Variants in MSMO1 observed in about 807,000 individuals in gnomAD.
MSMO1 encodes the protein C-4 methylsterol oxidase.
Under a neutral mutation model 30.4 loss-of-function variants are expected in MSMO1, and 18 were observed. The observed-to-expected ratio is 0.59, with a 90% CI of 0.41 to 0.88. MSMO1 has a LOEUF of 0.88. Ranked by LOEUF, MSMO1 falls within the 40% of genes least tolerant of loss-of-function variation. MSMO1 has a pLI of 0.00. For synonymous variants in MSMO1, 84 were observed against 107.9 expected, an observed-to-expected ratio of 0.78 and a Z score of 1.37; for missense variants, 284 against 340.5, an observed-to-expected ratio of 0.83 and a Z score of 1.31.
rs1374808009 is a variant in MSMO1, at chr4:165,342,799, G to C, written c.*853G>C. Reference sequence around the variant, plus strand: ...AGAACTTCCATTCTAATCTAGAGCTGACCAGTTTGAGCTGATTCTCTCTTT... The same window carrying C: ...AGAACTTCCATTCTAATCTAGAGCTCACCAGTTTGAGCTGATTCTCTCTTT... On this transcript the variant is annotated 3_prime_UTR_variant, in exon 6 of 6. Transcript: ENST00000261507. 1 of 151,934 alleles carries C rather than the reference G, an allele frequency of 6.6e-6. No homozygotes were observed. The highest frequency in any genetic ancestry group is 1.9e-4 in the East Asian group (1 of 5,200). The allele number at this position is 151,934 out of a possible 1,614,324, so 9.4% of individuals were successfully genotyped here.
At chr4:165,340,085 T>TA (rs1220344643) in intron 4 of MSMO1, 136 bp from the exon 5 acceptor site, 1 of 745,446 alleles carries the variant, frequency 1.3e-6, no homozygotes, top group Non-Finnish European at 2.2e-6. Context: ...TAACAACATC[T>TA]AAAAAATACC....
chr4:165,337,519 G>A (rs930999631), intron 2 of MSMO1, among the ~76,000 whole-genome samples: 2 of 152,152 alleles, frequency 1.3e-5, no homozygotes, highest in African/African-American at 4.8e-5. Context: ...AATGATCTGT[G>A]GCAGCAAAGA....
chr4:165,331,714 T>C (rs1325260851), intron 1 of MSMO1, among the ~76,000 whole-genome samples: 1 of 152,200 alleles, frequency 6.6e-6, no homozygotes, highest in African/African-American at 2.4e-5. Flanking sequence ...TTTAAAATAC[T>C]CATTTTTAAA....
Position 165,342,565 on chromosome 4 carries a change from C to G in MSMO1, c.*619C>G, listed in dbSNP as rs1747745796. 1 of 152,394 alleles carries G rather than the reference C, an allele frequency of 6.6e-6. No individual in the cohort carries two copies. The highest frequency in any genetic ancestry group is 1.5e-5 in the Non-Finnish European group (1 of 68,238). 9.4% of individuals were successfully genotyped at this position (152,394 alleles called of 1,614,324 possible). A position where few individuals can be genotyped will look rare whatever the true frequency, so the allele number is the denominator to read the frequency against. On this transcript the variant is annotated 3_prime_UTR_variant, in exon 6 of 6. Coordinates refer to ENST00000261507, the MANE Select transcript of MSMO1 (RefSeq NM_006745.5). ...AGAGATGGGGTTTCACGATGTTGGC[C>G]AGGCTGGTCTCAAACTTCTGACCTC... is the stretch of plus-strand genomic sequence containing the variant.
chr4:165,338,154 T>C (rs1747610168), intron 3 of MSMO1, among the ~76,000 whole-genome samples: 1 of 152,082 alleles, frequency 6.6e-6, no homozygotes, highest in African/African-American at 2.4e-5. Context: ...GTATCAGAAG[T>C]TTCCATAACG....
chr4:165,330,392 A>G (rs1344859146), intron 1 of MSMO1, among the ~76,000 whole-genome samples: 1 of 152,248 alleles, frequency 6.6e-6, no homozygotes, highest in Non-Finnish European at 1.5e-5. Flanking sequence ...TAGCTATTAC[A>G]TGCCAGGTCC....
At chr4:165,327,921 T>G (rs1172847529) in intron 1 of MSMO1, 157 bp downstream of exon 1, 1 of 152,326 alleles carries the variant, frequency 6.6e-6, no homozygotes, top group Non-Finnish European at 1.5e-5. Flanking sequence ...GGAAGGAGAC[T>G]GGAGTGAAGG....
In MSMO1 at chr4:165,342,135, A is replaced by G. The variant is rs1747732704; in HGVS notation, c.*189A>G. On this transcript the variant is annotated 3_prime_UTR_variant, in exon 6 of 6. Coordinates refer to ENST00000261507, the MANE Select transcript of MSMO1 (RefSeq NM_006745.5). ...CTTTACCTACAAGTTCTATATATGT[A>G]GAAATGAATAAATATATATTTAAGT... 35 of 529,626 alleles carry G rather than the reference A, an allele frequency of 6.6e-5. 1 individual carries two copies. In the South Asian group the frequency reaches 7.4e-4, roughly 11 times the overall value. 32.8% of individuals were successfully genotyped at this position (529,626 alleles called of 1,614,324 possible). A position where few individuals can be genotyped will look rare whatever the true frequency, so the allele number is the denominator to read the frequency against.
intron 5 of MSMO1, chr4:165,340,599 A>G (rs1234616341): frequency 3.7e-6 from 2 of 540,408 alleles, no homozygotes; most frequent in East Asian, 3.2e-5. Context: ...TAGGGCAAGT[A>G]TATATTCAGG....
At chr4:165,339,906 TC>T (rs528908773) in intron 4 of MSMO1, among the ~76,000 whole-genome samples, 34 of 152,244 alleles carry the variant, frequency 2.2e-4, no homozygotes, top group African/African-American at 7.9e-4. Flanking sequence ...GGGTCCAAAT[TC>T]CATGGAGCAG....
intron 1 of MSMO1, among the ~76,000 whole-genome samples, chr4:165,328,690 GA>G (rs1747304640): frequency 6.6e-6 from 1 of 152,176 alleles, no homozygotes; most frequent in Non-Finnish European, 1.5e-5. Context: ...ATGAGTAAAG[GA>G]AAAGGAAATT....
At chr4:165,332,144 T>A (rs1357737918) in intron 1 of MSMO1, among the ~76,000 whole-genome samples, 1 of 152,232 alleles carries the variant, frequency 6.6e-6, no homozygotes, top group Non-Finnish European at 1.5e-5. Flanking sequence ...TTTCCCTTTA[T>A]CCATATGTAC....
At chr4:165,328,758 C>T (rs1026109004) in intron 1 of MSMO1, among the ~76,000 whole-genome samples, 11 of 152,222 alleles carry the variant, frequency 7.2e-5, no homozygotes, top group Admixed American at 6.5e-5. Flanking sequence ...CGGTTAGCAA[C>T]AGTATATCCA....
Position 165,341,735 on chromosome 4 carries a change from A to G in MSMO1, c.687-16A>G. The G allele has an allele frequency of 6.3e-7, 1 of 1,578,304 alleles. No individual in the cohort carries two copies. Among genetic ancestry groups the G allele is most frequent in the East Asian group, 2.2e-5 (1 of 44,612 alleles). Reference sequence around the variant, plus strand: ...ATGTATTTATTCCTTAATAATCTTTATCATTTTTGTTTCAGTGGTTATGAT... The same window carrying G: ...ATGTATTTATTCCTTAATAATCTTTGTCATTTTTGTTTCAGTGGTTATGAT... On this transcript the variant is annotated splice_polypyrimidine_tract_variant and intron_variant, in intron 5 of 5. Transcript: ENST00000261507.
Position 165,342,017 on chromosome 4 carries a change from C to T in MSMO1, c.*71C>T. ...CAGAAACTAGTAGCTAACATTGCTT[C>T]TGGAGAGCAGAAATAAGCATGTCTT... On this transcript the variant is annotated 3_prime_UTR_variant, in exon 6 of 6. Coordinates refer to ENST00000261507, the MANE Select transcript of MSMO1 (RefSeq NM_006745.5). 1 of 1,274,478 alleles carries T rather than the reference C, an allele frequency of 7.8e-7. No individual in the cohort carries two copies. The highest frequency in any genetic ancestry group is 1.5e-5 in the African/African-American group (1 of 67,892). The allele number at this position is 1,274,478 out of a possible 1,614,324, so 78.9% of individuals were successfully genotyped here.
chr4:165,329,927 C>T (rs1240088460), intron 1 of MSMO1, among the ~76,000 whole-genome samples: 1 of 152,112 alleles, frequency 6.6e-6, no homozygotes, highest in African/African-American at 2.4e-5. Flanking sequence ...AGCCACCACA[C>T]CCAGCCTCCT....
At chr4:165,333,679 T>A (rs1747463461) in intron 2 of MSMO1, 54 bp downstream of exon 2, 1 of 1,491,554 alleles carries the variant, frequency 6.7e-7, no homozygotes, top group Non-Finnish European at 9.1e-7. Flanking sequence ...CTGAATATTT[T>A]AAAAGTACAT....
At chr4:165,338,311 TATATATA>T (rs1747616500) in intron 3 of MSMO1, among the ~76,000 whole-genome samples, 1 of 12,484 alleles carries the variant, frequency 8.0e-5, no homozygotes, top group African/African-American at 6.1e-4. Context: ...TATGTGTATA[TATATATA>T]TATATATATA....
rs28551032 is a variant in MSMO1 at position 165,340,459 on chromosome 4, G to C, written c.686+84G>C. 1.5e-3 allele frequency: 1,705 copies of C among 1,150,538 alleles called. 25 individuals are homozygous for C. The African/African-American group carries it at 0.023, about 15-fold the overall frequency. 71.3% of individuals were successfully genotyped at this position (1,150,538 alleles called of 1,614,324 possible). A position where few individuals can be genotyped will look rare whatever the true frequency, so the allele number is the denominator to read the frequency against. On this transcript the variant is annotated intron_variant, in intron 5 of 5. Transcript: ENST00000261507. ...CATAAGATTATCATATTTCTAAGGA[G>C]ACTAATAGGAGAAGTTAATCTTCTT...
Sources: gnomAD v4.1 joint callset for allele counts (sites outside exome capture counted in the v4.1 genomes callset) on GRCh38, gnomAD v4.1.1 for gene constraint, MANE v1.5 for transcripts, NCBI Gene and HGNC (gene_info 2026-07-23, HGNC 2026-07-21) for gene names.